The following CLGN variants were observed in gnomAD, a reference collection of about 807,000 sequenced individuals.
The protein encoded by CLGN is calmegin, also known as testis tissue sperm-binding protein Li 79P.
A neutral mutation model predicts 79.1 loss-of-function variants in CLGN; 62 were observed. The ratio of observed to expected loss-of-function variants is 0.78; its 90% CI spans 0.64 to 0.97. The LOEUF (loss-of-function observed/expected upper bound fraction) is 0.97, where lower values mean the gene tolerates loss of function less well. Among genes scored for constraint, CLGN ranks in the 50% least tolerant of loss-of-function variants. The pLI is 0.00. For synonymous variants in CLGN, 225 were observed against 224.7 expected (o/e 1.00, Z -0.01); for missense variants, 647 against 715.5 (o/e 0.90, Z 1.09).
intron 1 of CLGN, among the ~76,000 whole-genome samples, chr4:140,426,260 G>A (rs916637326): frequency 6.6e-6 from 1 of 152,154 alleles, no homozygotes; most frequent in African/African-American, 2.4e-5. Context: ...ACAATCCAAA[G>A]ATTCTTTAAA....
chr4:140,407,367 T>C (rs1729127955), intron 4 of CLGN, among the ~76,000 whole-genome samples: 1 of 152,042 alleles, frequency 6.6e-6, no homozygotes, highest in Non-Finnish European at 1.5e-5. Flanking sequence ...ACATACAAAT[T>C]GGAAACGAGG....
At chr4:140,402,089 G>A (rs368528099) in intron 5 of CLGN, 23 bp from the exon 6 acceptor site, 36 of 1,204,830 alleles carry the variant, frequency 3.0e-5, no homozygotes, top group Middle Eastern at 3.9e-4. Context: ...AAAAAGAACC[G>A]TACTACTGAT....
chr4:140,408,636 C>G (rs1729151832), intron 4 of CLGN, among the ~76,000 whole-genome samples: 1 of 151,896 alleles, frequency 6.6e-6, no homozygotes, highest in Admixed American at 6.6e-5. Flanking sequence ...TACTACGTTA[C>G]CCCTGTAAGA....
intron 1 of CLGN, among the ~76,000 whole-genome samples, chr4:140,422,429 T>G (rs1036142671): frequency 6.6e-6 from 1 of 152,232 alleles, no homozygotes; most frequent in Admixed American, 6.5e-5. Flanking sequence ...GTTTCTTAAT[T>G]TCTTTCAGCA....
At chr4:140,422,612 G>C (rs989340345) in intron 1 of CLGN, among the ~76,000 whole-genome samples, 2 of 152,046 alleles carry the variant, frequency 1.3e-5, no homozygotes, top group Non-Finnish European at 2.9e-5. Flanking sequence ...TGCAACTTTA[G>C]TGAATTCATT....
chr4:140,392,828 G>A (rs990414913), intron 11 of CLGN, 117 bp from the exon 12 acceptor site: 46 of 899,868 alleles, frequency 5.1e-5, no homozygotes, highest in South Asian at 1.5e-4. Flanking sequence ...TGATGAACTC[G>A]TAAGTAAAAG....
intron 10 of CLGN, among the ~76,000 whole-genome samples, chr4:140,394,833 T>C (rs1728838314): frequency 6.6e-6 from 1 of 152,100 alleles, no homozygotes; most frequent in African/African-American, 2.4e-5. Context: ...GTGGATAACA[T>C]AGAAACTTTT....
intron 10 of CLGN, among the ~76,000 whole-genome samples, chr4:140,394,755 T>C (rs922986799): frequency 6.6e-6 from 1 of 152,212 alleles, no homozygotes; most frequent in African/African-American, 2.4e-5. Flanking sequence ...AATTAGAATA[T>C]GAAACTGCAT....
intron 2 of CLGN, 28 bp from the exon 3 acceptor site, chr4:140,410,654 G>C (rs1184278359): frequency 7.5e-7 from 1 of 1,329,830 alleles, no homozygotes; most frequent in African/African-American, 1.5e-5. Flanking sequence ...CAAGTCTAAA[G>C]TTATTCATTT....
At chr4:140,407,075 A>G (rs1729122458) in intron 4 of CLGN, among the ~76,000 whole-genome samples, 1 of 152,134 alleles carries the variant, frequency 6.6e-6, no homozygotes, top group African/African-American at 2.4e-5. Context: ...AAGAGGGGTA[A>G]TTTTTGGTCT....
chr4:140,392,814 G>T, intron 11 of CLGN, 103 bp from the exon 12 acceptor site: 1 of 1,085,650 alleles, frequency 9.2e-7, no homozygotes, highest in East Asian at 2.8e-5. Context: ...TTTACATTAA[G>T]GAGTGATGAA....
At chr4:140,390,595 A>G (rs1728754032) in intron 14 of CLGN, 33 bp downstream of exon 14, 1 of 1,465,726 alleles carries the variant, frequency 6.8e-7, no homozygotes, top group African/African-American at 1.4e-5. Context: ...ATGGATAACA[A>G]CTATACATAG....
Position 140,393,897 on chromosome 4 carries a change from C to A in CLGN, c.1294G>T (p.Glu432Ter). ...IYFDNFIICSEKEVADHWAAD... is the reference protein window; with the variant it reads ...IYFDNFIICS ...GCCCAGTGATCTGCTACTTCCTTTT[C>A]CGAACAGATAATAAAATTATCAAAG... Residue 432 changes from glutamate to a stop codon, truncating the protein, a stop_gained, in exon 11 of 15, where the codon GAA (glutamate) becomes TAA (stop). Coordinates refer to ENST00000325617, the MANE Select transcript of CLGN (RefSeq NM_004362.3). LOFTEE classifies it high-confidence loss of function. The A allele has an allele frequency of 6.2e-7, 1 of 1,613,682 alleles. No homozygotes were observed.
intron 8 of CLGN, 84 bp downstream of exon 8, chr4:140,398,767 T>C: frequency 8.3e-7 from 1 of 1,203,250 alleles, no homozygotes; most frequent in Non-Finnish European, 1.2e-6. Context: ...AAAAATAAAC[T>C]TCATGGGTTG....
In CLGN at chr4:140,393,925, G is replaced by T; in HGVS notation, c.1266C>A (p.Ile422=). 1.9e-6 allele frequency: 3 copies of T among 1,613,688 alleles called. No homozygotes were observed. Among genetic ancestry groups the T allele is most frequent in the Non-Finnish European group, 2.5e-6 (3 of 1,179,748 alleles). The change falls in exon 11 of 15, where the codon ATC becomes ATA. Residue 422 remains isoleucine, a synonymous_variant. Coordinates refer to ENST00000325617, the MANE Select transcript of CLGN (RefSeq NM_004362.3). ...AACAGATAATAAAATTATCAAAGTAGATATCAGAGGTCATAGACCAAAGCT... is the reference window on the plus strand; with the variant it reads ...AACAGATAATAAAATTATCAAAGTATATATCAGAGGTCATAGACCAAAGCT... ...GLELWSMTSD[I]YFDNFIICSE...
At chr4:140,394,308 T>C (rs1339436067) in intron 10 of CLGN, among the ~76,000 whole-genome samples, 1 of 152,222 alleles carries the variant, frequency 6.6e-6, no homozygotes, top group Non-Finnish European at 1.5e-5. Flanking sequence ...TGAATAAATT[T>C]CACAATTTGT....
In CLGN at chr4:140,400,548, T is replaced by G. The variant is rs1403456059; in HGVS notation, c.503A>C (p.Glu168Ala). The G allele has an allele frequency of 1.9e-6, 3 of 1,579,044 alleles. No individual in the cohort carries two copies. Among genetic ancestry groups the G allele is most frequent in the Non-Finnish European group, 2.6e-6 (3 of 1,157,116 alleles). ...ATAGGATGTTTTATCATAAAAGTTT[T>G]CCTTCAAAGAGAGATGAGTGTTGGC... ...LLADTDDLIL[E>A]NFYDKTSYII... Residue 168 changes from glutamate to alanine, a missense_variant and splice_region_variant, in exon 7 of 15, where the codon GAA becomes GCA. Coordinates refer to ENST00000325617, the MANE Select transcript of CLGN (RefSeq NM_004362.3).
chr4:140,392,982 T>C (rs1041528841), intron 11 of CLGN, among the ~76,000 whole-genome samples: 2 of 152,092 alleles, frequency 1.3e-5, no homozygotes, highest in Non-Finnish European at 1.5e-5. Context: ...TAATTTTCCT[T>C]TTTGGTAAAT....
Position 140,395,850 on chromosome 4 carries a change from C to T in CLGN, c.1118G>A (p.Arg373Lys). ...IDNPKYKGVWRPPLVDNPNYQ... is the reference protein window; with the variant it reads ...IDNPKYKGVWKPPLVDNPNYQ... ...GTTAGGATTATCGACCAGTGGAGGT[C>T]TCCATACTCCTTTGTATTTTGGGTT... is the stretch of plus-strand genomic sequence containing the variant. The change falls in exon 10 of 15, where the codon AGA becomes AAA. Residue 373 changes from arginine (R) to lysine (K), a missense_variant. Transcript: ENST00000325617. 6.4e-7 allele frequency: 1 copy of T among 1,551,350 alleles called. No homozygotes were observed. Among genetic ancestry groups the T allele is most frequent in the Non-Finnish European group, 8.6e-7 (1 of 1,156,396 alleles).
Sources: allele counts gnomAD v4.1 joint callset (sites outside exome capture counted in the v4.1 genomes callset), GRCh38; gene constraint gnomAD v4.1.1; transcripts MANE v1.5; gene names NCBI Gene and HGNC (gene_info 2026-07-23, HGNC 2026-07-21).